Variants in PTPRD observed in about 807,000 individuals in gnomAD.
The protein encoded by PTPRD is protein tyrosine phosphatase receptor type D.
Under a neutral mutation model 214.5 loss-of-function variants are expected in PTPRD, and 34 were observed. The ratio of observed to expected loss-of-function variants is 0.16; its 90% CI spans 0.12 to 0.21. The LOEUF is 0.21. Among genes scored for constraint, PTPRD ranks in the 10% least tolerant of loss-of-function variants. The pLI is 1.00. For synonymous variants in PTPRD, 1,128 were observed against 845.7 expected, an observed-to-expected ratio of 1.33 and a Z score of -5.79; for missense variants, 2,545 against 2,398.7, an observed-to-expected ratio of 1.06 and a Z score of -1.27.
At chr9:10,469,016 T>C (rs565014166) in intron 2 of PTPRD, among the ~76,000 whole-genome samples, 1 of 152,178 alleles carries the variant, frequency 6.6e-6, no homozygotes, top group South Asian at 2.1e-4. Context: ...CCAAAACCTA[T>C]AGTAAATAAC....
intron 2 of PTPRD, among the ~76,000 whole-genome samples, chr9:10,509,644 G>T (rs2047351306): frequency 6.9e-6 from 1 of 144,236 alleles, no homozygotes; most frequent in Admixed American, 7.2e-5. Context: ...GTTTTTTAAT[G>T]CCCTCACTCA....
At chr9:10,354,525 C>T (rs2097238500) in intron 2 of PTPRD, among the ~76,000 whole-genome samples, 1 of 152,108 alleles carries the variant, frequency 6.6e-6, no homozygotes, top group African/African-American at 2.4e-5. Flanking sequence ...CCTACCTCAT[C>T]GTAGTATTTG....
At position 9,751,143 on chromosome 9, in the gene PTPRD, T is replaced by G. The variant is rs112191654; in HGVS notation, c.-326+15667A>C. 1.5e-3 allele frequency among the ~76,000 whole-genome samples: 227 copies of G among 152,070 alleles called. 3 individuals are homozygous for G. The highest frequency in any genetic ancestry group is 5.2e-3 in the African/African-American group (214 of 41,550). On this transcript the variant is annotated intron_variant, in intron 6 of 45. Transcript: ENST00000381196. ...AAACAAACAGAAAATTGCTCCTAGGTGCTATTTTTAAATCTCCACTAAGTA... is the reference window on the plus strand; with the variant it reads ...AAACAAACAGAAAATTGCTCCTAGGGGCTATTTTTAAATCTCCACTAAGTA...
intron 8 of PTPRD, among the ~76,000 whole-genome samples, chr9:9,530,169 T>C (rs867332022): frequency 3.9e-5 from 6 of 152,024 alleles, no homozygotes; most frequent in African/African-American, 1.2e-4. Context: ...CAGAGCTAAA[T>C]GAAATAGTGA....
chr9:10,571,561 T>C (rs978792556), intron 2 of PTPRD, among the ~76,000 whole-genome samples: 7 of 152,164 alleles, frequency 4.6e-5, no homozygotes, highest in South Asian at 4.1e-4. Context: ...TTGTTTTCTG[T>C]GAACCTCAGT....
intron 5 of PTPRD, among the ~76,000 whole-genome samples, chr9:9,886,914 G>C (rs1243183362): frequency 1.3e-5 from 2 of 152,102 alleles, no homozygotes; most frequent in East Asian, 3.9e-4. Flanking sequence ...GAGCAGGCCA[G>C]ATGGAGCACC....
intron 14 of PTPRD, among the ~76,000 whole-genome samples, chr9:8,582,400 T>C (rs1434663396): frequency 6.6e-6 from 1 of 152,242 alleles, no homozygotes; most frequent in African/African-American, 2.4e-5. Context: ...TCTAATACTG[T>C]ATATTTGACT....
intron 4 of PTPRD, among the ~76,000 whole-genome samples, chr9:10,016,760 G>C (rs1489884815): frequency 6.6e-6 from 1 of 151,788 alleles, no homozygotes; most frequent in Non-Finnish European, 1.5e-5. Flanking sequence ...GATCTCTTGG[G>C]CTCAAGCCAG....
In PTPRD at chr9:9,074,087, CA is replaced by C. The variant is rs201872371; in HGVS notation, c.-142-55353del. On this transcript the variant is annotated intron_variant, in intron 10 of 45. Coordinates refer to ENST00000381196, the MANE Select transcript of PTPRD (RefSeq NM_002839.4). Reference sequence around the variant, plus strand: ...TTTTGTTATCCTTAAAATAATCCCACAAAAAAATATTATTTAGAGATGAAAA... The same window carrying C: ...TTTTGTTATCCTTAAAATAATCCCACAAAAAATATTATTTAGAGATGAAAA... Among the ~76,000 whole-genome samples, 1,047 of 151,906 alleles carry C rather than the reference CA, an allele frequency of 6.9e-3. 17 individuals are homozygous for C. Among genetic ancestry groups the C allele is most frequent in the African/African-American group, 0.024 (975 of 41,440 alleles).
At chr9:9,898,012 C>T (rs975334851) in intron 5 of PTPRD, among the ~76,000 whole-genome samples, 1 of 152,030 alleles carries the variant, frequency 6.6e-6, no homozygotes, top group African/African-American at 2.4e-5. Flanking sequence ...AAACAGGTGG[C>T]TTTGGTGCAC....
intron 11 of PTPRD, among the ~76,000 whole-genome samples, chr9:8,851,779 C>T (rs1255031312): frequency 6.6e-6 from 1 of 152,028 alleles, no homozygotes; most frequent in East Asian, 1.9e-4. Context: ...AACTAAGATT[C>T]TGAAATGTTT....
chr9:9,474,167 G>A (rs1324522474), intron 8 of PTPRD, among the ~76,000 whole-genome samples: 2 of 152,056 alleles, frequency 1.3e-5, no homozygotes, highest in East Asian at 3.9e-4. Flanking sequence ...ATTTCATTCT[G>A]CTGCATATGG....
rs566074964 is a variant in PTPRD, at chr9:9,501,285, A to G, written c.-237+73447T>C. Reference sequence around the variant, plus strand: ...TTACACCTTAAATTTTAAAACACAGATTGGAAGTAAAAGAATATAAAAATA... The same window carrying G: ...TTACACCTTAAATTTTAAAACACAGGTTGGAAGTAAAAGAATATAAAAATA... On this transcript the variant is annotated intron_variant, in intron 8 of 45. Transcript: ENST00000381196. Among the ~76,000 whole-genome samples the G allele has an allele frequency of 2.6e-5, 4 of 152,112 alleles. No homozygotes were observed. The South Asian group carries it at 6.2e-4, about 24-fold the overall frequency.
At chr9:8,741,825 G>A (rs906343156) in intron 11 of PTPRD, among the ~76,000 whole-genome samples, 1 of 151,846 alleles carries the variant, frequency 6.6e-6, no homozygotes, top group African/African-American at 2.4e-5. Context: ...TCCTGATGTC[G>A]TGAGTGGCCC....
intron 3 of PTPRD, among the ~76,000 whole-genome samples, chr9:10,061,292 C>T (rs1567413752): frequency 6.6e-6 from 1 of 151,882 alleles, no homozygotes; most frequent in Admixed American, 6.6e-5. Flanking sequence ...ATAACTTGTT[C>T]CAATGAGCAA....
At position 9,760,822 on chromosome 9, in the gene PTPRD, T is replaced by C. The variant is rs10977959; in HGVS notation, c.-326+5988A>G. Among the ~76,000 whole-genome samples the C allele has an allele frequency of 0.033, 5,007 of 152,088 alleles. 554 individuals are homozygous for C. The East Asian group carries it at 0.39, about 12-fold the overall frequency. On this transcript the variant is annotated intron_variant, in intron 6 of 45. Coordinates refer to ENST00000381196, the MANE Select transcript of PTPRD (RefSeq NM_002839.4). ...TCAACATCAATAGCCATTAGAGAAA[T>C]GCAAATTAAAAATATTAATTCAATG...
intron 2 of PTPRD, among the ~76,000 whole-genome samples, chr9:10,405,794 A>G (rs989808471): frequency 6.6e-6 from 1 of 151,616 alleles, no homozygotes; most frequent in Admixed American, 6.6e-5. Context: ...AAGCCTAATT[A>G]CATCAATTCA....
At chr9:9,337,845 T>A (rs987671791) in intron 9 of PTPRD, among the ~76,000 whole-genome samples, 1 of 152,208 alleles carries the variant, frequency 6.6e-6, no homozygotes, top group Admixed American at 6.5e-5. Flanking sequence ...ACAAATTACC[T>A]CACACTTTGT....
intron 8 of PTPRD, among the ~76,000 whole-genome samples, chr9:9,457,709 G>A (rs1180990819): frequency 2.0e-5 from 3 of 151,902 alleles, no homozygotes; most frequent in African/African-American, 7.3e-5. Flanking sequence ...GCAACCATTA[G>A]GTTTTTTCCA....
Sources: gnomAD v4.1 joint callset for allele counts (sites outside exome capture counted in the v4.1 genomes callset) on GRCh38, gnomAD v4.1.1 for gene constraint, MANE v1.5 for transcripts, NCBI Gene and HGNC (gene_info 2026-07-23, HGNC 2026-07-21) for gene names.